The following COL24A1 variants were observed in gnomAD, a reference collection of about 807,000 sequenced individuals.
COL24A1 encodes collagen alpha-1(XXIV) chain.
Under a neutral mutation model 253.9 loss-of-function variants are expected in COL24A1, and 224 were observed. The ratio of observed to expected loss-of-function variants is 0.88; its 90% CI spans 0.79 to 0.99. The LOEUF (loss-of-function observed/expected upper bound fraction) is 0.99, where lower values mean the gene tolerates loss of function less well. Among genes scored for constraint, COL24A1 ranks in the 50% least tolerant of loss-of-function variants. COL24A1 has a pLI of 0.00. For synonymous variants in COL24A1, 685 were observed against 673.7 expected (o/e 1.02, Z -0.26); for missense variants, 2,131 against 2,068.5 (o/e 1.03, Z -0.59).
At chr1:85,972,802 A>C (rs1692305806) in intron 20 of COL24A1, among the ~76,000 whole-genome samples, 1 of 151,338 alleles carries the variant, frequency 6.6e-6, no homozygotes, top group African/African-American at 2.4e-5. Flanking sequence ...TTCAAACTTC[A>C]GTGGCACTGC....
At chr1:85,849,477 T>C (rs555711300) in intron 37 of COL24A1, 71 bp from the exon 38 acceptor site, 6 of 1,101,670 alleles carry the variant, frequency 5.4e-6, no homozygotes, top group African/African-American at 3.1e-5. Context: ...TGAATACTTC[T>C]ATCAGATAAT....
chr1:85,850,985 A>G (rs949528457), intron 37 of COL24A1, among the ~76,000 whole-genome samples: 2 of 144,654 alleles, frequency 1.4e-5, no homozygotes, highest in Non-Finnish European at 3.0e-5. Context: ...GTGTATGTCT[A>G]TGTGTGTGTG....
At position 86,126,127 on chromosome 1, in the gene COL24A1, G is replaced by T. The variant is rs373027076; in HGVS notation, c.209C>A (p.Pro70Gln). ...TGTTAAATGGACCCCCTGAGGTAACGGTGTAGATGCTGATGGTACAGCAGT... is the reference window on the plus strand; with the variant it reads ...TGTTAAATGGACCCCCTGAGGTAACTGTGTAGATGCTGATGGTACAGCAGT... ...PATAVPSAST[P>Q]LPQGVHLTES... is the part of the protein sequence containing the mutation. The change falls in exon 3 of 60, where the codon CCG becomes CAG. Residue 70 changes from proline to glutamine, a missense_variant. Physicochemically the swap from Pro to Gln is moderately conservative, Grantham distance 76 (BLOSUM62 -1). Transcript: ENST00000370571. 5 of 1,611,790 alleles carry T rather than the reference G, an allele frequency of 3.1e-6. No homozygotes were observed. The highest frequency in any genetic ancestry group is 4.2e-6 in the Non-Finnish European group (5 of 1,179,650).
At chr1:86,015,012 G>A (rs987190466) in intron 19 of COL24A1, among the ~76,000 whole-genome samples, 1 of 152,116 alleles carries the variant, frequency 6.6e-6, no homozygotes. Flanking sequence ...CCCTTTACCT[G>A]AGTAAAATTC....
chr1:85,920,704 AT>A (rs1168601437), intron 24 of COL24A1, among the ~76,000 whole-genome samples: 1 of 152,136 alleles, frequency 6.6e-6, no homozygotes, highest in African/African-American at 2.4e-5. Context: ...CAATATCATC[AT>A]TAAAAAAAAA....
At chr1:85,890,214 C>T (rs973899585) in intron 31 of COL24A1, among the ~76,000 whole-genome samples, 5 of 152,078 alleles carry the variant, frequency 3.3e-5, no homozygotes, top group African/African-American at 1.2e-4. Flanking sequence ...CATGGGTATG[C>T]GAGTATCTGT....
intron 24 of COL24A1, among the ~76,000 whole-genome samples, chr1:85,929,877 G>A (rs1429863702): frequency 2.1e-5 from 3 of 142,182 alleles, no homozygotes; most frequent in Non-Finnish European, 3.1e-5. Context: ...GATGTTCTTT[G>A]AAACCAACGA....
At chr1:85,895,250 T>C (rs1239489627) in intron 31 of COL24A1, among the ~76,000 whole-genome samples, 1 of 152,042 alleles carries the variant, frequency 6.6e-6, no homozygotes, top group Non-Finnish European at 1.5e-5. Flanking sequence ...TGGTAAGATT[T>C]TTGATGGTAG....
At chr1:86,094,452 T>C (rs1703749463) in intron 5 of COL24A1, among the ~76,000 whole-genome samples, 1 of 151,544 alleles carries the variant, frequency 6.6e-6, no homozygotes, top group Non-Finnish European at 1.5e-5. Flanking sequence ...TGAGAACACA[T>C]GGACACAGAG....
intron 24 of COL24A1, among the ~76,000 whole-genome samples, chr1:85,932,537 C>T (rs1046147118): frequency 8.6e-6 from 1 of 115,966 alleles, no homozygotes; most frequent in Non-Finnish European, 1.7e-5. Context: ...GGCGATTCCT[C>T]AGGGATCTAG....
chr1:85,868,816 C>T lies in COL24A1; in HGVS notation c.3158G>A (p.Gly1053Glu), dbSNP rs756753700. Residue 1053 changes from glycine to glutamate, a missense_variant, in exon 36 of 60, where the codon GGA becomes GAA. By Grantham distance (98) the Gly-to-Glu change is moderately conservative (BLOSUM62 -2). Coordinates refer to ENST00000370571, the MANE Select transcript of COL24A1 (RefSeq NM_152890.7). ...ATCTTTTCCCTGGAGACCTTCTTCT[C>T]CAGGAGCTCCTGGTTCACCCTATTT... ...PGLRGEPGAP[G>E]EEGLQGKDGL... 1.9e-6 allele frequency: 3 copies of T among 1,590,668 alleles called. No homozygotes were observed. Among genetic ancestry groups the T allele is most frequent in the African/African-American group, 1.4e-5 (1 of 74,032 alleles).
intron 24 of COL24A1, among the ~76,000 whole-genome samples, chr1:85,959,945 A>G (rs72712794): frequency 0.12 from 17,633 of 152,172 alleles, 1,144 homozygotes; most frequent in South Asian, 0.23. Flanking sequence ...AATATGTTAC[A>G]ATCATATTTG....
chr1:86,047,946 C>A (rs1228197480), intron 11 of COL24A1, among the ~76,000 whole-genome samples: 1 of 151,978 alleles, frequency 6.6e-6, no homozygotes. Flanking sequence ...CTGAAACAAT[C>A]CATTCACTTT....
chr1:85,746,259 T>A (rs1158387343), intron 55 of COL24A1, among the ~76,000 whole-genome samples: 1 of 152,186 alleles, frequency 6.6e-6, no homozygotes, highest in African/African-American at 2.4e-5. Context: ...GAAGGCTGCA[T>A]AATAGAAACT....
At chr1:86,064,046 A>G (rs1360141436) in intron 7 of COL24A1, among the ~76,000 whole-genome samples, 3 of 152,136 alleles carry the variant, frequency 2.0e-5, no homozygotes, top group Non-Finnish European at 1.5e-5. Flanking sequence ...TAGAGACTAA[A>G]GCACAGTATC....
chr1:85,733,040 G>A (rs1327518851), intron 59 of COL24A1, among the ~76,000 whole-genome samples: 1 of 152,082 alleles, frequency 6.6e-6, no homozygotes, highest in East Asian at 1.9e-4. Flanking sequence ...GTCACTGAAT[G>A]TTTCTGGGCC....
At chr1:85,972,767 C>T (rs1558855956) in intron 20 of COL24A1, among the ~76,000 whole-genome samples, 1 of 152,124 alleles carries the variant, frequency 6.6e-6, no homozygotes, top group South Asian at 2.1e-4. Flanking sequence ...AGTAAGGGAC[C>T]CAATTCAGCC....
chr1:86,066,997 G>C (rs1701541410), intron 7 of COL24A1, among the ~76,000 whole-genome samples: 1 of 152,094 alleles, frequency 6.6e-6, no homozygotes, highest in Non-Finnish European at 1.5e-5. Flanking sequence ...AAATTAGCCA[G>C]GTGTGGTGGC....
chr1:86,030,898 G>A (rs115168639), intron 14 of COL24A1, among the ~76,000 whole-genome samples: 36 of 152,042 alleles, frequency 2.4e-4, no homozygotes, highest in Non-Finnish European at 3.5e-4. Flanking sequence ...ATGCCTAGCC[G>A]TGACTTCTTT....
Sources: allele counts gnomAD v4.1 joint callset (sites outside exome capture counted in the v4.1 genomes callset), GRCh38; gene constraint gnomAD v4.1.1; transcripts MANE v1.5; gene names NCBI Gene and HGNC (gene_info 2026-07-23, HGNC 2026-07-21).